The following PSG2 variants were observed in gnomAD, a reference collection of about 807,000 sequenced individuals.
PSG2 encodes the protein pregnancy-specific beta-1-glycoprotein 2.
Under a neutral mutation model 36.2 loss-of-function variants are expected in PSG2, and 49 were observed. The observed-to-expected ratio is 1.35, with a 90% confidence interval of 1.08 to 1.72. The LOEUF (loss-of-function observed/expected upper bound fraction) is 1.72. PSG2 is among the 40% of genes most tolerant of loss of function. The pLI is 0.00. For missense variants in PSG2, 605 were observed against 407.2 expected (o/e 1.49, Z -4.18); for synonymous variants, 261 against 155.6 (o/e 1.68, Z -5.04).
At position 43,080,901 on chromosome 19, in the gene PSG2, T is replaced by C. The variant is rs147948092; in HGVS notation, c.410A>G (p.Tyr137Cys). The change falls in exon 2 of 6, where the codon TAT becomes TGT. Residue 137 changes from tyrosine (Y) to cysteine (C), a missense_variant. Physicochemically the swap from Tyr to Cys is radical, Grantham distance 194 (BLOSUM62 -2). Coordinates refer to ENST00000406487, the MANE Select transcript of PSG2 (RefSeq NM_031246.4). ...CTTACGGTATAAGGTGAAGGTGAAA[T>C]ATCCAGTTACTCCTCTAGTCCCATC... The part of the protein sequence containing the change: ...RGDGTRGVTG[Y>C]FTFTLYLETP... 2,869 of 1,612,378 alleles carry C rather than the reference T, an allele frequency of 1.8e-3. 144 individuals carry two copies. In the African/African-American group the frequency reaches 0.034, roughly 19 times the overall value.
Position 43,071,874 on chromosome 19 carries a change from T to G in PSG2, c.790A>C (p.Asn264His). The change falls in exon 4 of 6, where the codon AAC (asparagine) becomes CAC (histidine). Residue 264 changes from asparagine (N) to histidine (H), a missense_variant. Transcript: ENST00000406487. ...GDNLYLSCFANSNPPAQYSWT... is the reference protein window; with the variant it reads ...GDNLYLSCFAHSNPPAQYSWT... ...GAATACTGTGCCGGTGGGTTAGAGTTCGCGAAGCAAGACAAGTAGAGGTTA... is the reference window on the plus strand; with the variant it reads ...GAATACTGTGCCGGTGGGTTAGAGTGCGCGAAGCAAGACAAGTAGAGGTTA... 6.2e-7 allele frequency: 1 copy of G among 1,613,086 alleles called. No homozygotes were observed.
intron 3 of PSG2, among the ~76,000 whole-genome samples, chr19:43,073,017 C>T (rs1479645742): frequency 2.6e-5 from 4 of 151,640 alleles, no homozygotes; most frequent in South Asian, 2.1e-4. Flanking sequence ...TACTTTGCCC[C>T]CCTAGATGTG....
chr19:43,081,019 G>A lies in PSG2; in HGVS notation c.292C>T (p.Arg98Ter), dbSNP rs367816200. 157 of 1,612,836 alleles carry A rather than the reference G, an allele frequency of 9.7e-5. No individual in the cohort carries two copies. Among genetic ancestry groups the A allele is most frequent in the Admixed American group, 2.8e-4 (17 of 59,930 alleles). The change falls in exon 2 of 6, where the codon CGA (arginine) becomes TGA (stop). Residue 98 changes from arginine to a stop codon, truncating the protein, a stop_gained. Coordinates refer to ENST00000406487, the MANE Select transcript of PSG2 (RefSeq NM_031246.4). LOFTEE classifies it high-confidence loss of function. ...IIIYGPAYSGRETAYSNASLL... is the reference protein window; with the variant it reads ...IIIYGPAYSG ...GATGCATTGGAATATGCTGTTTCTC[G>A]TCCACTATATGCAGGCCCATATATA...
chr19:43,081,511 T>C (rs1967975552), intron 1 of PSG2, among the ~76,000 whole-genome samples: 1 of 151,388 alleles, frequency 6.6e-6, no homozygotes, highest in Non-Finnish European at 1.5e-5. Context: ...TTGGCATTTT[T>C]CTGTTTGGAA....
chr19:43,075,424 T>G lies in PSG2; in HGVS notation c.639A>C (p.Gly213=). The G allele has an allele frequency of 6.2e-7, 1 of 1,613,090 alleles. No individual in the cohort carries two copies. The highest frequency in any genetic ancestry group is 8.5e-7 in the Non-Finnish European group (1 of 1,179,658). ...FLFGVTKYTA[G]PYECEIRNSG... Reference sequence around the variant, plus strand: ...AGTTCCGTATTTCACATTCATAGGGTCCTGCAGTATACTTTGTGACACCAA... The same window carrying G: ...AGTTCCGTATTTCACATTCATAGGGGCCTGCAGTATACTTTGTGACACCAA... The change falls in exon 3 of 6, where the codon GGA becomes GGC. Residue 213 remains glycine, a synonymous_variant. Coordinates refer to ENST00000406487, the MANE Select transcript of PSG2 (RefSeq NM_031246.4).
chr19:43,082,338 C>T, intron 1 of PSG2, 168 bp downstream of exon 1: 8 of 1,070,034 alleles, frequency 7.5e-6, no homozygotes, highest in African/African-American at 1.6e-5. Context: ...GACAGGGCTA[C>T]ACTGTGTTGG....
At position 43,080,938 on chromosome 19, in the gene PSG2, T is replaced by C. The variant is rs920198910; in HGVS notation, c.373A>G (p.Ile125Val). Reference sequence around the variant, plus strand: ...CCTCTAGTCCCATCACCTCGCTTTATGATGTGTAAGGTGTAGGATCCTGCG... The same window carrying C: ...CCTCTAGTCCCATCACCTCGCTTTACGATGTGTAAGGTGTAGGATCCTGCG... ...EDAGSYTLHI[I>V]KRGDGTRGVT... Residue 125 changes from isoleucine to valine, a missense_variant, in exon 2 of 6, where the codon ATA (isoleucine) becomes GTA (valine). By Grantham distance (29) the Ile-to-Val change is conservative. Coordinates refer to ENST00000406487, the MANE Select transcript of PSG2 (RefSeq NM_031246.4). 2.5e-6 allele frequency: 4 copies of C among 1,612,930 alleles called. No individual in the cohort carries two copies. Among genetic ancestry groups the C allele is most frequent in the Admixed American group, 1.7e-5 (1 of 59,952 alleles).
chr19:43,076,973 T>C (rs1967905915), intron 2 of PSG2, among the ~76,000 whole-genome samples: 3 of 151,538 alleles, frequency 2.0e-5, no homozygotes, highest in South Asian at 2.1e-4. Context: ...TTTCAGATTG[T>C]GGATTTCTGG....
Position 43,081,018 on chromosome 19 carries a change from C to G in PSG2, c.293G>C (p.Arg98Pro). ...GGATGCATTGGAATATGCTGTTTCT[C>G]GTCCACTATATGCAGGCCCATATAT... ...IIIYGPAYSGRETAYSNASLL... is the reference protein window; with the variant it reads ...IIIYGPAYSGPETAYSNASLL... Residue 98 changes from arginine (R) to proline (P), a missense_variant, in exon 2 of 6, where the codon CGA (arginine) becomes CCA (proline). Transcript: ENST00000406487. The G allele has an allele frequency of 6.2e-7, 1 of 1,613,064 alleles. No individual in the cohort carries two copies. Among genetic ancestry groups the G allele is most frequent in the Non-Finnish European group, 8.5e-7 (1 of 1,179,696 alleles).
intron 1 of PSG2, chr19:43,081,738 G>A (rs1967978807): frequency 1.2e-5 from 2 of 165,488 alleles, no homozygotes; most frequent in East Asian, 3.3e-4. Flanking sequence ...AGCTCAGTGA[G>A]GACAGGGACT....
At chr19:43,065,687 A>G (rs577418811) in intron 5 of PSG2, 1 of 151,786 alleles carries the variant, frequency 6.6e-6, no homozygotes, top group African/African-American at 2.4e-5. Context: ...CTCCTGGGGT[A>G]GGGACCTTGC....
At position 43,071,820 on chromosome 19, in the gene PSG2, A is replaced by G; in HGVS notation, c.844T>C (p.Ser282Pro). 5 of 1,613,126 alleles carry G rather than the reference A, an allele frequency of 3.1e-6. No homozygotes were observed. The highest frequency in any genetic ancestry group is 4.2e-6 in the Non-Finnish European group (5 of 1,179,604). ...TGGGGGATAAACAGATTTTGTCCTG[A>G]TTGCTGAAACTTCCCATTAATTGTC... ...SWTINGKFQQ[S>P]GQNLFIPQIT... is the part of the protein sequence containing the mutation. Residue 282 changes from serine (S) to proline (P), a missense_variant, in exon 4 of 6, where the codon TCA (serine) becomes CCA (proline). Transcript: ENST00000406487.
chr19:43,079,358 G>A (rs1444884744), intron 2 of PSG2, among the ~76,000 whole-genome samples: 16 of 151,586 alleles, frequency 1.1e-4, no homozygotes, highest in Admixed American at 9.2e-4. Context: ...AGGGGCAAGA[G>A]GTAGTGGGGG....
At chr19:43,074,860 C>G (rs142306987) in intron 3 of PSG2, among the ~76,000 whole-genome samples, 1,985 of 151,758 alleles carry the variant, frequency 0.013, 94 homozygotes, top group African/African-American at 0.044. Context: ...GAATGCTCTG[C>G]CAGTGGGTGA....
intron 4 of PSG2, among the ~76,000 whole-genome samples, chr19:43,071,251 C>T (rs1392164813): frequency 1.3e-5 from 2 of 151,642 alleles, no homozygotes; most frequent in East Asian, 1.9e-4. Context: ...GCTGCTCCTC[C>T]CTCACCCAAG....
intron 4 of PSG2, among the ~76,000 whole-genome samples, chr19:43,069,630 T>C (rs1286098414): frequency 6.6e-6 from 1 of 151,676 alleles, no homozygotes; most frequent in Non-Finnish European, 1.5e-5. Context: ...CACCAAATGA[T>C]ATTGGGAAAG....
At position 43,081,103 on chromosome 19, in the gene PSG2, C is replaced by G. The variant is rs1347696066; in HGVS notation, c.208G>C (p.Gly70Arg). ...TAATGGTAGAGGTCCCTGATTTGCC[C>G]TTTGTACCAGATGTAGCCAGTAAGA... ...QNLTGYIWYKGQIRDLYHYIT... is the reference protein window; with the variant it reads ...QNLTGYIWYKRQIRDLYHYIT... The change falls in exon 2 of 6, where the codon GGG (glycine) becomes CGG (arginine). Residue 70 changes from glycine to arginine, a missense_variant. By Grantham distance (125) the Gly-to-Arg change is moderately radical. Transcript: ENST00000406487. 6.2e-7 allele frequency: 1 copy of G among 1,612,820 alleles called. No homozygotes were observed. The highest frequency in any genetic ancestry group is 8.5e-7 in the Non-Finnish European group (1 of 1,179,690).
At position 43,075,442 on chromosome 19, in the gene PSG2, G is replaced by A; in HGVS notation, c.621C>T (p.Val207=). Residue 207 remains valine (V), a synonymous_variant, in exon 3 of 6, where the codon GTC becomes GTT. Transcript: ENST00000406487. ...CATAGGGTCCTGCAGTATACTTTGT[G>A]ACACCAAATAGAAAGAGGGTCCTGT... The part of the protein sequence containing the change: ...ETNRTLFLFG[V]TKYTAGPYEC... The A allele has an allele frequency of 6.2e-7, 1 of 1,613,210 alleles. No homozygotes were observed. Among genetic ancestry groups the A allele is most frequent in the South Asian group, 1.1e-5 (1 of 91,048 alleles).
At chr19:43,080,451 A>C (rs10425903) in intron 2 of PSG2, among the ~76,000 whole-genome samples, 58,297 of 151,218 alleles carry the variant, frequency 0.39, 13,018 homozygotes, top group African/African-American at 0.6. Flanking sequence ...ACAGGCTCCT[A>C]AGCTTTATCT....
Sources: allele counts gnomAD v4.1 joint callset (sites outside exome capture counted in the v4.1 genomes callset), GRCh38; gene constraint gnomAD v4.1.1; transcripts MANE v1.5; gene names NCBI Gene and HGNC (gene_info 2026-07-23, HGNC 2026-07-21).